Variants in KDM5A observed in about 807,000 individuals in gnomAD.
KDM5A encodes lysine-specific demethylase 5A.
In KDM5A, 42 loss-of-function variants were observed where a neutral mutation model predicts 193.5. That is an observed-to-expected ratio of 0.22 (90% CI 0.17 to 0.28). KDM5A has a LOEUF of 0.28. Ranked by LOEUF, KDM5A falls within the 10% of genes least tolerant of loss-of-function variation. The pLI is 1.00. For synonymous variants in KDM5A, 796 were observed against 718.1 expected (o/e 1.11, Z -1.73); for missense variants, 1,692 against 2,055.1 (o/e 0.82, Z 3.42).
rs570050255 is a variant in KDM5A, at chr12:355,089, C to T, written c.870+69G>A. ...TAACTAAACACATACCATGATATATCAGGATAGAAAGTGCAAAACTATAAT... is the reference window on the plus strand; with the variant it reads ...TAACTAAACACATACCATGATATATTAGGATAGAAAGTGCAAAACTATAAT... On this transcript the variant is annotated intron_variant, in intron 7 of 27. Coordinates refer to ENST00000399788, the MANE Select transcript of KDM5A (RefSeq NM_001042603.3). 1.8e-5 allele frequency: 17 copies of T among 935,542 alleles called. No homozygotes were observed. In the East Asian group the frequency reaches 4.1e-4, roughly 22 times the overall value. 58.0% of individuals were successfully genotyped at this position (935,542 alleles called of 1,614,324 possible).
At chr12:331,705 TA>T in intron 13 of KDM5A, 113 bp downstream of exon 13, 1 of 1,156,096 alleles carries the variant, frequency 8.6e-7, no homozygotes, top group Non-Finnish European at 1.3e-6. Flanking sequence ...CAGTCTCCAC[TA>T]AAATACTGAT....
chr12:351,772 C>T (rs1944162934), intron 9 of KDM5A, among the ~76,000 whole-genome samples: 1 of 152,016 alleles, frequency 6.6e-6, no homozygotes, highest in African/African-American at 2.4e-5. Flanking sequence ...AGATCGAGAC[C>T]AGCCTGGGCG....
chr12:287,528 T>C (rs1257942245), intron 27 of KDM5A, among the ~76,000 whole-genome samples: 2 of 148,570 alleles, frequency 1.3e-5, no homozygotes, highest in African/African-American at 4.9e-5. Flanking sequence ...AATAATGGCA[T>C]CTGTGCAAAA....
chr12:380,721 T>TA (rs112993740), intron 3 of KDM5A, among the ~76,000 whole-genome samples: 62 of 143,212 alleles, frequency 4.3e-4, no homozygotes, highest in East Asian at 4.0e-4. Flanking sequence ...AGACTCTGTC[T>TA]AAAAAAAAAA....
chr12:302,303 T>C (rs946864939), intron 24 of KDM5A, among the ~76,000 whole-genome samples: 3 of 152,168 alleles, frequency 2.0e-5, no homozygotes, highest in Non-Finnish European at 4.4e-5. Context: ...AAAAACAGCA[T>C]GGTACTGGTA....
chr12:383,537 A>G (rs534844948), intron 3 of KDM5A, among the ~76,000 whole-genome samples: 5 of 150,662 alleles, frequency 3.3e-5, no homozygotes, highest in Admixed American at 2.6e-4. Flanking sequence ...ATTAAGTAAC[A>G]AAAAAAAAGA....
chr12:353,917 T>C (rs1390099086), intron 8 of KDM5A, among the ~76,000 whole-genome samples, 159 bp downstream of exon 8: 41 of 80,188 alleles, frequency 5.1e-4, no homozygotes, highest in Non-Finnish European at 9.4e-4. Context: ...TGAGACACCA[T>C]CTCAAAAAAA....
At chr12:378,651 AGTG>A (rs1490746825) in intron 3 of KDM5A, among the ~76,000 whole-genome samples, 5 of 152,204 alleles carry the variant, frequency 3.3e-5, no homozygotes, top group African/African-American at 1.2e-4. Flanking sequence ...TTCTTGCTGA[AGTG>A]GTTATAAAAA....
chr12:357,851 A>AAAAAAAAAAG (rs1944246230), intron 5 of KDM5A, among the ~76,000 whole-genome samples: 1 of 149,144 alleles, frequency 6.7e-6, no homozygotes, highest in South Asian at 2.1e-4. Flanking sequence ...AAAAAAAAAA[A>AAAAAAAAAAG]AAAGCCCTTT....
chr12:308,118 C>T, intron 22 of KDM5A, 113 bp from the exon 23 acceptor site: 4 of 1,262,292 alleles, frequency 3.2e-6, no homozygotes, highest in Non-Finnish European at 4.5e-6. Context: ...AAACAGTTTC[C>T]TAAAATGTGG....
At chr12:293,778 C>CA (rs1555126244) in intron 26 of KDM5A, among the ~76,000 whole-genome samples, 2,239 of 26,232 alleles carry the variant, frequency 0.085, 176 homozygotes, top group African/African-American at 0.24. Context: ...GACTCCATCT[C>CA]AAAAAAAAAA....
At chr12:354,861 C>CT (rs1944211471) in intron 7 of KDM5A, among the ~76,000 whole-genome samples, 1 of 152,194 alleles carries the variant, frequency 6.6e-6, no homozygotes, top group African/African-American at 2.4e-5. Context: ...TACAAATCCT[C>CT]TTTGATAGAG....
intron 18 of KDM5A, among the ~76,000 whole-genome samples, chr12:318,742 A>C (rs142274426): frequency 4.7e-4 from 72 of 152,354 alleles, no homozygotes; most frequent in African/African-American, 1.6e-3. Context: ...GTATTAAAGA[A>C]GACATAAAAT....
intron 3 of KDM5A, among the ~76,000 whole-genome samples, chr12:379,163 C>G (rs566779919): frequency 9.3e-4 from 141 of 150,906 alleles, no homozygotes; most frequent in Middle Eastern, 3.5e-3. Context: ...ATAGTATTTT[C>G]AAATCATATA....
chr12:286,290 C>A, intron 27 of KDM5A: 1 of 414,814 alleles, frequency 2.4e-6, no homozygotes, highest in South Asian at 1.8e-5. Flanking sequence ...CAATAGATCA[C>A]TCTGGGGTTT....
intron 3 of KDM5A, among the ~76,000 whole-genome samples, chr12:382,652 C>T (rs111762788): frequency 2.0e-5 from 3 of 152,204 alleles, no homozygotes; most frequent in African/African-American, 4.8e-5. Context: ...TTTAGCCGGG[C>T]GCGGTGGCTC....
At chr12:316,823 G>A (rs546065482) in intron 19 of KDM5A, among the ~76,000 whole-genome samples, 1 of 152,264 alleles carries the variant, frequency 6.6e-6, no homozygotes, top group South Asian at 2.1e-4. Context: ...TCAGAGCTGT[G>A]CTAATTAAAT....
chr12:324,592 G>A (rs1490181255), intron 14 of KDM5A, among the ~76,000 whole-genome samples: 2 of 152,192 alleles, frequency 1.3e-5, no homozygotes, highest in Non-Finnish European at 2.9e-5. Context: ...GTAAGAGCAG[G>A]CAGGGTGCAG....
intron 27 of KDM5A, among the ~76,000 whole-genome samples, chr12:286,647 A>T (rs1458693818): frequency 6.6e-6 from 1 of 152,192 alleles, no homozygotes; most frequent in Non-Finnish European, 1.5e-5. Flanking sequence ...TCCAAGAAGT[A>T]CCTCTATACA....
Sources: allele counts gnomAD v4.1 joint callset (sites outside exome capture counted in the v4.1 genomes callset), GRCh38; gene constraint gnomAD v4.1.1; transcripts MANE v1.5; gene names NCBI Gene and HGNC (gene_info 2026-07-23, HGNC 2026-07-21).